Variants in SHISA9 observed in about 807,000 individuals in gnomAD.
SHISA9 encodes the protein protein shisa-9.
A neutral mutation model predicts 38.0 loss-of-function variants in SHISA9; 13 were observed. The observed-to-expected ratio is 0.34, with a 90% CI of 0.22 to 0.54. SHISA9 has a LOEUF of 0.54. Ranked by LOEUF, SHISA9 falls within the 20% of genes least tolerant of loss-of-function variation. The pLI, the probability that SHISA9 is intolerant of heterozygous loss-of-function variation, is 0.91. For synonymous variants in SHISA9, 275 were observed against 242.0 expected, an observed-to-expected ratio of 1.14 and a Z score of -1.27; for missense variants, 538 against 575.8, an observed-to-expected ratio of 0.93 and a Z score of 0.67.
chr16:13,432,228 A>AC, the SHISA9 span, among the ~76,000 whole-genome samples: 2 of 152,326 alleles, frequency 1.3e-5, no homozygotes, highest in South Asian at 4.1e-4. Context: ...TCTTATCTGT[A>AC]CACTTCCAAG....
chr16:13,374,796 T>C, the SHISA9 span, among the ~76,000 whole-genome samples: 1 of 152,190 alleles, frequency 6.6e-6, no homozygotes, highest in Admixed American at 6.5e-5. Context: ...TGTAGAAGTG[T>C]TCCTATTTCT....
intron 2 of SHISA9, among the ~76,000 whole-genome samples, chr16:13,092,466 G>A (rs181756377): frequency 4.6e-5 from 7 of 152,308 alleles, no homozygotes; most frequent in African/African-American, 1.7e-4. Flanking sequence ...TTGAGCTGTG[G>A]TGGGCTCCGT....
At chr16:13,450,928 C>A in the SHISA9 span, among the ~76,000 whole-genome samples, 72,683 of 151,930 alleles carry the variant, frequency 0.48, 18,217 homozygotes, top group African/African-American at 0.61. Flanking sequence ...GAACTGTGAC[C>A]GATGCTATCA....
intron 2 of SHISA9, among the ~76,000 whole-genome samples, chr16:12,996,630 G>A (rs530534539): frequency 6.6e-6 from 1 of 152,188 alleles, no homozygotes; most frequent in Non-Finnish European, 1.5e-5. Context: ...TGCTGGCTCC[G>A]CTGGATCAGT....
intron 4 of SHISA9, among the ~76,000 whole-genome samples, chr16:13,217,203 G>A (rs989935234): frequency 8.6e-5 from 13 of 152,014 alleles, no homozygotes; most frequent in South Asian, 4.2e-4. Flanking sequence ...GCGCGAACCC[G>A]GGAGGTGGAG....
At chr16:13,135,846 G>T (rs2050344089) in intron 2 of SHISA9, among the ~76,000 whole-genome samples, 1 of 152,152 alleles carries the variant, frequency 6.6e-6, no homozygotes, top group Admixed American at 6.6e-5. Context: ...GGTTTCATCT[G>T]GCAAAAACAC....
chr16:13,347,374 AG>A, the SHISA9 span, among the ~76,000 whole-genome samples: 1 of 152,208 alleles, frequency 6.6e-6, no homozygotes, highest in African/African-American at 2.4e-5. Flanking sequence ...AGGCAGAGGT[AG>A]TACTCAAACA....
the SHISA9 span, among the ~76,000 whole-genome samples, chr16:13,394,928 GGTGTGTGTGTGTGTGTGT>G: frequency 2.2e-5 from 3 of 139,402 alleles, no homozygotes; most frequent in Non-Finnish European, 3.1e-5. Context: ...CAGTATCTGG[GGTGTGTGTGTGTGTGTGT>G]GTGTGTGTGT....
the SHISA9 span, among the ~76,000 whole-genome samples, chr16:13,382,299 G>A: frequency 2.6e-5 from 4 of 151,630 alleles, no homozygotes; most frequent in Non-Finnish European, 4.4e-5. Context: ...AGGCTGAGGA[G>A]GGTGGATCAC....
chr16:13,422,175 A>G, the SHISA9 span, among the ~76,000 whole-genome samples: 1 of 152,182 alleles, frequency 6.6e-6, no homozygotes, highest in African/African-American at 2.4e-5. Flanking sequence ...TCTGATGGCA[A>G]ATGCTCCCCA....
At chr16:13,346,487 T>C in the SHISA9 span, among the ~76,000 whole-genome samples, 4,324 of 152,266 alleles carry the variant, frequency 0.028, 84 homozygotes, top group Non-Finnish European at 0.047. Context: ...ACAATTCCTT[T>C]GGAATAGGAT....
the SHISA9 span, among the ~76,000 whole-genome samples, chr16:13,445,502 G>T: frequency 6.6e-6 from 1 of 152,116 alleles, no homozygotes; most frequent in East Asian, 1.9e-4. Flanking sequence ...AGCATATATT[G>T]GCTTAAATAT....
chr16:13,265,615 C>G, the SHISA9 span, among the ~76,000 whole-genome samples: 2 of 146,274 alleles, frequency 1.4e-5, no homozygotes, highest in African/African-American at 5.1e-5. Flanking sequence ...CCTTTCTCTC[C>G]TTTTCTCTCC....
chr16:13,271,410 A>T, the SHISA9 span, among the ~76,000 whole-genome samples: 5 of 152,164 alleles, frequency 3.3e-5, no homozygotes, highest in Non-Finnish European at 7.4e-5. Flanking sequence ...AGACCAATTT[A>T]AAAAAGCACT....
intron 2 of SHISA9, among the ~76,000 whole-genome samples, chr16:12,943,970 G>A (rs1344153789): frequency 6.6e-6 from 1 of 151,964 alleles, no homozygotes; most frequent in Non-Finnish European, 1.5e-5. Flanking sequence ...CAACACTATT[G>A]ATATCTTGGG....
At chr16:13,232,273 TTATAA>T (rs2051338664) in intron 4 of SHISA9, among the ~76,000 whole-genome samples, 1 of 152,138 alleles carries the variant, frequency 6.6e-6, no homozygotes, top group African/African-American at 2.4e-5. Flanking sequence ...GTAGATAATC[TTATAA>T]TAAAAGAATT....
the SHISA9 span, among the ~76,000 whole-genome samples, chr16:13,328,247 C>G: frequency 6.6e-6 from 1 of 152,050 alleles, no homozygotes; most frequent in Non-Finnish European, 1.5e-5. Flanking sequence ...AAACATAACT[C>G]CTAAATGCCA....
chr16:13,402,651 G>T, the SHISA9 span, among the ~76,000 whole-genome samples: 1 of 151,648 alleles, frequency 6.6e-6, no homozygotes, highest in African/African-American at 2.4e-5. Context: ...AGCTGGGATT[G>T]CAGGCACAGG....
the SHISA9 span, among the ~76,000 whole-genome samples, chr16:13,514,413 A>T: frequency 5.9e-5 from 9 of 152,230 alleles, no homozygotes; most frequent in Non-Finnish European, 1.3e-4. Flanking sequence ...GAAATGACAC[A>T]TATGGTAGAA....
Sources: gnomAD v4.1 joint callset for allele counts (sites outside exome capture counted in the v4.1 genomes callset) on GRCh38, gnomAD v4.1.1 for gene constraint, MANE v1.5 for transcripts, NCBI Gene and HGNC (gene_info 2026-07-23, HGNC 2026-07-21) for gene names.